The following INSR variants were observed in gnomAD, a reference collection of about 807,000 sequenced individuals.
INSR encodes IR.
A neutral mutation model predicts 142.6 loss-of-function variants in INSR; 67 were observed. The observed-to-expected ratio is 0.47, with a 90% CI of 0.39 to 0.58. The LOEUF (loss-of-function observed/expected upper bound fraction) is 0.58, where lower values mean the gene tolerates loss of function less well. Among genes scored for constraint, INSR ranks in the 20% least tolerant of loss-of-function variants. INSR has a pLI of 0.00. For missense variants in INSR, 1,248 were observed against 1,833.2 expected (o/e 0.68, Z 5.83); for synonymous variants, 756 against 743.1 (o/e 1.02, Z -0.28).
rs570519539 is a variant in INSR at position 7,201,667 on chromosome 19, CT to C, written c.653-17031del. 4.2e-3 allele frequency among the ~76,000 whole-genome samples: 538 copies of C among 127,796 alleles called. 7 individuals carry two copies. The highest frequency in any genetic ancestry group is 0.013 in the African/African-American group (424 of 32,190). 83.8% of individuals were successfully genotyped at this position (127,796 alleles called of 152,430 possible). On this transcript the variant is annotated intron_variant, in intron 2 of 21. Transcript: ENST00000302850. ...TAAATAAATTACATCTATTTTCATTCTTTTTTTTTTTTTGAGTTGGAGTCTC... is the reference window on the plus strand; with the variant it reads ...TAAATAAATTACATCTATTTTCATTCTTTTTTTTTTTTGAGTTGGAGTCTC...
At chr19:7,212,778 G>T (rs902030865) in intron 2 of INSR, among the ~76,000 whole-genome samples, 10 of 151,812 alleles carry the variant, frequency 6.6e-5, no homozygotes, top group Non-Finnish European at 1.5e-5. Flanking sequence ...GTAAAGACGG[G>T]GCTTCACCAT....
chr19:7,286,745 A>G (rs1330154992), intron 1 of INSR, among the ~76,000 whole-genome samples: 2 of 151,336 alleles, frequency 1.3e-5, no homozygotes, highest in African/African-American at 4.9e-5. Context: ...CACTTTTGTA[A>G]TTTTTCTTTT....
intron 1 of INSR, among the ~76,000 whole-genome samples, chr19:7,285,026 G>A (rs1456516708): frequency 6.6e-6 from 1 of 152,038 alleles, no homozygotes; most frequent in Non-Finnish European, 1.5e-5. Context: ...AAAAATACAG[G>A]GTCTGGGGCC....
intron 1 of INSR, among the ~76,000 whole-genome samples, chr19:7,274,143 T>C (rs1168342159): frequency 6.6e-6 from 1 of 151,446 alleles, no homozygotes; most frequent in African/African-American, 2.4e-5. Context: ...GGATGGGTGG[T>C]GATGGTTTTA....
chr19:7,165,656 G>A (rs1973871768), intron 8 of INSR, among the ~76,000 whole-genome samples: 2 of 151,864 alleles, frequency 1.3e-5, no homozygotes, highest in South Asian at 2.1e-4. Context: ...TGAGGCCAGG[G>A]GTTCAAGACC....
intron 3 of INSR, among the ~76,000 whole-genome samples, chr19:7,179,560 C>G (rs779500901): frequency 3.3e-4 from 50 of 152,232 alleles, no homozygotes; most frequent in Non-Finnish European, 5.9e-4. Context: ...AGTTGGCAAA[C>G]AGTGGGCTGG....
At position 7,172,430 on chromosome 19, in the gene INSR, A is replaced by G. The variant is rs1179113948; in HGVS notation, c.1128T>C (p.Asn376=). The G allele has an allele frequency of 6.2e-7, 1 of 1,614,024 alleles. No homozygotes were observed. The highest frequency in any genetic ancestry group is 1.1e-5 in the South Asian group (1 of 91,086). The change falls in exon 5 of 22, where the codon AAT becomes AAC. Residue 376 remains asparagine, a synonymous_variant. Transcript: ENST00000302850. ...SLIINIRGGN[N]LAAELEANLG... ...GGTTGGCTTCTAGCTCAGCTGCCAG[A>G]TTGTCTAAGGAAAGGAGAGAATATC...
intron 2 of INSR, among the ~76,000 whole-genome samples, chr19:7,243,895 C>G (rs1976445608): frequency 6.6e-6 from 1 of 152,194 alleles, no homozygotes; most frequent in Middle Eastern, 3.4e-3. Context: ...TCGGATAATA[C>G]CATTGTTAAA....
At chr19:7,198,599 C>T (rs1391861274) in intron 2 of INSR, among the ~76,000 whole-genome samples, 1 of 152,098 alleles carries the variant, frequency 6.6e-6, no homozygotes. Flanking sequence ...CAGAAAGGTG[C>T]AGCGGCTCAC....
intron 2 of INSR, among the ~76,000 whole-genome samples, chr19:7,227,911 T>C (rs1975839989): frequency 6.6e-6 from 1 of 152,026 alleles, no homozygotes; most frequent in African/African-American, 2.4e-5. Context: ...AACAAGATGG[T>C]CTGAGACCGC....
Position 7,216,999 on chromosome 19 carries a change from CTT to C in INSR, c.653-32364_653-32363del, listed in dbSNP as rs911015165. Among the ~76,000 whole-genome samples, 11 of 16,778 alleles carry C rather than the reference CTT, an allele frequency of 6.6e-4. No individual in the cohort carries two copies. The highest frequency in any genetic ancestry group is 0.026 in the Middle Eastern group (1 of 38). 11.0% of individuals were successfully genotyped at this position (16,778 alleles called of 152,430 possible). On this transcript the variant is annotated intron_variant, in intron 2 of 21. Transcript: ENST00000302850. The surrounding 1 kb of genome is among the most constrained non-coding windows in gnomAD (Gnocchi z 4.2). ...GCTAATTTTTCTTCTTCTTCTTCTT[CTT>C]TTTTTTTTTTTTGTAGAGATGGGGT...
chr19:7,160,220 G>T (rs113211779), intron 9 of INSR, among the ~76,000 whole-genome samples: 2,829 of 152,032 alleles, frequency 0.019, 83 homozygotes, highest in African/African-American at 0.065. Context: ...AATGGTGCAA[G>T]CTCGGCTCAT....
chr19:7,152,951 G>C, intron 9 of INSR, 24 bp from the exon 10 acceptor site: 2 of 1,586,376 alleles, frequency 1.3e-6, no homozygotes, highest in Non-Finnish European at 1.7e-6. Context: ...CAGAAAAGGG[G>C]GGCTCAAGTC....
chr19:7,195,931 C>G (rs72998178), intron 2 of INSR, among the ~76,000 whole-genome samples: 2 of 54,780 alleles, frequency 3.7e-5, no homozygotes, highest in African/African-American at 5.4e-5. Context: ...TCTTTTCTTT[C>G]TTTTTTTTTT....
intron 2 of INSR, among the ~76,000 whole-genome samples, chr19:7,232,345 G>A (rs897615252): frequency 1.3e-5 from 2 of 152,070 alleles, no homozygotes; most frequent in African/African-American, 2.4e-5. Context: ...CTGAGTAGCT[G>A]GGATTACAGG....
intron 14 of INSR, 67 bp downstream of exon 14, chr19:7,132,091 T>G: frequency 6.2e-7 from 1 of 1,600,482 alleles, no homozygotes; most frequent in Non-Finnish European, 8.6e-7. Context: ...AGTCATCCCC[T>G]GCAATGTCCC....
chr19:7,188,650 C>T (rs190452856), intron 2 of INSR, among the ~76,000 whole-genome samples: 1 of 150,852 alleles, frequency 6.6e-6, no homozygotes, highest in African/African-American at 2.4e-5. Context: ...GGTGGGTGGA[C>T]CACTTGAGGT....
chr19:7,229,694 T>A (rs1975907301), intron 2 of INSR, among the ~76,000 whole-genome samples: 2 of 150,696 alleles, frequency 1.3e-5, no homozygotes, highest in Admixed American at 1.3e-4. Flanking sequence ...TTTGGAAGCA[T>A]AAACAAAGCA....
intron 19 of INSR, 128 bp downstream of exon 19, chr19:7,122,486 A>C (rs542636102): frequency 1.6e-4 from 156 of 972,654 alleles, no homozygotes; most frequent in African/African-American, 1.4e-3. Flanking sequence ...AAACCCCACA[A>C]AAAAAAAAGA....
Sources: allele counts gnomAD v4.1 joint callset (sites outside exome capture counted in the v4.1 genomes callset), GRCh38; gene constraint gnomAD v4.1.1; non-coding constraint Gnocchi (gnomAD v3.1); transcripts MANE v1.5; gene names NCBI Gene and HGNC (gene_info 2026-07-23, HGNC 2026-07-21).